GLO1: variants seen among roughly 807,000 people sequenced by gnomAD.
The protein encoded by GLO1 is lactoylglutathione lyase.
GLO1 carries 28 observed loss-of-function variants against 26.0 expected under a neutral mutation model. The ratio of observed to expected loss-of-function variants is 1.08; its 90% CI spans 0.80 to 1.48. The LOEUF (loss-of-function observed/expected upper bound fraction) is 1.48, where lower values mean the gene tolerates loss of function less well. GLO1 is among the 40% of genes most tolerant of loss of function. The pLI, the probability that GLO1 is intolerant of heterozygous loss-of-function variation, is 0.00. For missense variants in GLO1, 225 were observed against 224.8 expected, an observed-to-expected ratio of 1.00 and a Z score of -0.01; for synonymous variants, 78 against 77.6, an observed-to-expected ratio of 1.00 and a Z score of -0.03.
At chr6:38,683,512 A>T (rs1459605972) in intron 3 of GLO1, among the ~76,000 whole-genome samples, 1 of 152,234 alleles carries the variant, frequency 6.6e-6, no homozygotes. Context: ...ATGCTGAAAG[A>T]CTAATTATAG....
chr6:38,702,206 C>A (rs1761713753), intron 1 of GLO1, among the ~76,000 whole-genome samples: 1 of 152,152 alleles, frequency 6.6e-6, no homozygotes, highest in African/African-American at 2.4e-5. Flanking sequence ...GGATTACAGG[C>A]GTGAGCCACC....
At chr6:38,693,608 A>G (rs561833078) in intron 1 of GLO1, among the ~76,000 whole-genome samples, 1 of 149,780 alleles carries the variant, frequency 6.7e-6, no homozygotes, top group Non-Finnish European at 1.5e-5. Context: ...AGTGCTATAC[A>G]TTTCCCCCTT....
chr6:38,695,818 T>C (rs553979600), intron 1 of GLO1, among the ~76,000 whole-genome samples: 8 of 152,328 alleles, frequency 5.3e-5, no homozygotes, highest in African/African-American at 1.7e-4. Context: ...TTCCAGGTCC[T>C]GTGGCTAGAG....
In GLO1 at chr6:38,686,940, T is replaced by C; in HGVS notation, c.119A>G (p.Lys40Arg). The C allele has an allele frequency of 6.2e-7, 1 of 1,607,468 alleles. No homozygotes were observed. Among genetic ancestry groups the C allele is most frequent in the Middle Eastern group, 1.7e-4 (1 of 6,038 alleles). ...AAAATCCAGTGACTTCTTAGGATCC[T>C]TCACTCGTAGCATGGTCTGCTGCAA... ...FLLQQTMLRVKDPKKSLDFYT... is the reference protein window; with the variant it reads ...FLLQQTMLRVRDPKKSLDFYT... The change falls in exon 2 of 6, where the codon AAG becomes AGG. Residue 40 changes from lysine (K) to arginine (R), a missense_variant. By Grantham distance (26) the Lys-to-Arg change is conservative. Transcript: ENST00000373365.
chr6:38,691,311 A>G (rs1418936555), intron 1 of GLO1, among the ~76,000 whole-genome samples: 1 of 150,424 alleles, frequency 6.6e-6, no homozygotes, highest in Non-Finnish European at 1.5e-5. Context: ...CTGTAAGAAA[A>G]CTTTTTTTTT....
chr6:38,684,424 A>C lies in GLO1; in HGVS notation c.258T>G (p.Asp86Glu). 1 of 1,575,468 alleles carries C rather than the reference A, an allele frequency of 6.3e-7. No homozygotes were observed. Among genetic ancestry groups the C allele is most frequent in the Non-Finnish European group, 8.6e-7 (1 of 1,159,384 alleles). ...TGGAGAGCGCCCAGGCTATTTTTTC[A>C]TCTTTTTCTTTAGGGATGTCATTTT... ...EDKNDIPKEK[D>E]EKIAWALSRK... The change falls in exon 3 of 6, where the codon GAT (aspartate) becomes GAG (glutamate). Residue 86 changes from aspartate (D) to glutamate (E), a missense_variant. Transcript: ENST00000373365.
chr6:38,690,040 GT>G, intron 1 of GLO1, among the ~76,000 whole-genome samples: 1 of 152,114 alleles, frequency 6.6e-6, no homozygotes, highest in Middle Eastern at 3.4e-3. Flanking sequence ...GGCCAGGATG[GT>G]CTCGATCTCT....
chr6:38,684,426 CT>C lies in GLO1; in HGVS notation c.255del (p.Asp86MetfsTer4). ...YEDKNDIPKE[K>X]DEKIAWALSR... ...GAGAGCGCCCAGGCTATTTTTTCAT[CT>C]TTTTCTTTAGGGATGTCATTTTTAT... On this transcript the variant is annotated frameshift_variant, in exon 3 of 6. Transcript: ENST00000373365. LOFTEE classifies it high-confidence loss of function. 3 of 1,574,932 alleles carry C rather than the reference CT, an allele frequency of 1.9e-6. No individual in the cohort carries two copies. Among genetic ancestry groups the C allele is most frequent in the Admixed American group, 1.8e-5 (1 of 55,994 alleles).
At chr6:38,680,237 A>G (rs1761350550) in intron 5 of GLO1, among the ~76,000 whole-genome samples, 1 of 152,172 alleles carries the variant, frequency 6.6e-6, no homozygotes, top group African/African-American at 2.4e-5. Context: ...AAACCCTTTA[A>G]AGGGCTGGGT....
At chr6:38,698,473 TATTA>T (rs1761643250) in intron 1 of GLO1, among the ~76,000 whole-genome samples, 1 of 147,620 alleles carries the variant, frequency 6.8e-6, no homozygotes, top group Non-Finnish European at 1.5e-5. Flanking sequence ...TATTAATATA[TATTA>T]ATTTTTTATA....
chr6:38,682,548 A>G (rs2127546171), intron 4 of GLO1, among the ~76,000 whole-genome samples: 1 of 152,290 alleles, frequency 6.6e-6, no homozygotes, highest in East Asian at 1.9e-4. Flanking sequence ...CTTTTTTAAA[A>G]AAAAAAGTCT....
In GLO1 at chr6:38,677,168, G is replaced by A; in HGVS notation, c.*127C>T. The A allele has an allele frequency of 3.3e-5, 23 of 694,394 alleles. No homozygotes were observed. In the South Asian group the frequency reaches 3.4e-4, roughly 10 times the overall value. 43.0% of individuals were successfully genotyped at this position (694,394 alleles called of 1,614,324 possible). A position where few individuals can be genotyped will look rare whatever the true frequency, so the allele number is the denominator to read the frequency against. ...AAAGGAACAGCTGAAATAGGAAGGG[G>A]AAATGGACTGAAGAATAATTTGAAT... On this transcript the variant is annotated 3_prime_UTR_variant, in exon 6 of 6. Transcript: ENST00000373365.
intron 1 of GLO1, among the ~76,000 whole-genome samples, chr6:38,698,094 C>G (rs1215900914): frequency 1.3e-5 from 2 of 152,112 alleles, no homozygotes; most frequent in Non-Finnish European, 2.9e-5. Flanking sequence ...ATTTCATACC[C>G]TTATCACTTA....
At chr6:38,701,112 A>C (rs926475455) in intron 1 of GLO1, among the ~76,000 whole-genome samples, 1 of 149,886 alleles carries the variant, frequency 6.7e-6, no homozygotes, top group African/African-American at 2.5e-5. Flanking sequence ...TTTATGGCAA[A>C]TTCCAAAATT....
rs537338882 is a variant in GLO1 at position 38,676,267 on chromosome 6, A to G, written c.*1028T>C. 6.6e-6 allele frequency: 1 copy of G among 152,176 alleles called. No individual in the cohort carries two copies. Among genetic ancestry groups the G allele is most frequent in the East Asian group, 1.9e-4 (1 of 5,194 alleles). 9.4% of individuals were successfully genotyped at this position (152,176 alleles called of 1,614,324 possible). On this transcript the variant is annotated 3_prime_UTR_variant, in exon 6 of 6. Transcript: ENST00000373365. ...AAGTTATCACTGAACATAATTTATCATATATGGCTACTGGCATCATGAAGA... is the reference window on the plus strand; with the variant it reads ...AAGTTATCACTGAACATAATTTATCGTATATGGCTACTGGCATCATGAAGA...
chr6:38,694,444 C>A (rs774525162), intron 1 of GLO1, among the ~76,000 whole-genome samples: 1 of 151,984 alleles, frequency 6.6e-6, no homozygotes, highest in Non-Finnish European at 1.5e-5. Context: ...TTTGGGAGGC[C>A]GAGGTGGCTG....
In GLO1 at chr6:38,682,834, T is replaced by C. The variant is rs1274695703; in HGVS notation, c.350A>G (p.Asn117Ser). 3 of 1,605,542 alleles carry C rather than the reference T, an allele frequency of 1.9e-6. No homozygotes were observed. The highest frequency in any genetic ancestry group is 2.7e-5 in the African/African-American group (2 of 74,754). ...GAATCCTCGAGGGTCTGAATTGCCA[T>C]TGTGGTAACTCTGGGTCTCATCATC... ...TEDDETQSYH[N>S]GNSDPRGFGH... Residue 117 changes from asparagine to serine, a missense_variant, in exon 4 of 6, where the codon AAT becomes AGT. Coordinates refer to ENST00000373365, the MANE Select transcript of GLO1 (RefSeq NM_006708.3).
intron 1 of GLO1, among the ~76,000 whole-genome samples, chr6:38,692,448 A>G (rs1025396045): frequency 6.6e-6 from 1 of 152,162 alleles, no homozygotes; most frequent in Non-Finnish European, 1.5e-5. Context: ...TAAATTACTT[A>G]TTATTCCCTA....
intron 3 of GLO1, 53 bp downstream of exon 3, chr6:38,684,321 A>T: frequency 1.0e-6 from 1 of 975,242 alleles, no homozygotes; most frequent in Non-Finnish European, 1.4e-6. Flanking sequence ...AAGATTTTTA[A>T]AAACTACCTT....
Sources: allele counts gnomAD v4.1 joint callset (sites outside exome capture counted in the v4.1 genomes callset), GRCh38; gene constraint gnomAD v4.1.1; transcripts MANE v1.5; gene names NCBI Gene and HGNC (gene_info 2026-07-23, HGNC 2026-07-21).